Variants in RSRC1 observed in about 807,000 individuals in gnomAD.
The protein encoded by RSRC1 is serine/Arginine-related protein 53.
Under a neutral mutation model 49.1 loss-of-function variants are expected in RSRC1, and 39 were observed. The ratio of observed to expected loss-of-function variants is 0.79; its 90% CI spans 0.61 to 1.04. The LOEUF (loss-of-function observed/expected upper bound fraction) is 1.04, where lower values mean the gene tolerates loss of function less well. Among genes scored for constraint, RSRC1 ranks in the 50% least tolerant of loss-of-function variants. The pLI is 0.00. For synonymous variants in RSRC1, 143 were observed against 130.8 expected (o/e 1.09, Z -0.63); for missense variants, 388 against 402.4 (o/e 0.96, Z 0.31).
intron 5 of RSRC1, among the ~76,000 whole-genome samples, chr3:158,316,529 C>A (rs1428134107): frequency 7.2e-4 from 104 of 143,484 alleles, no homozygotes; most frequent in Admixed American, 1.7e-3. Context: ...ACTGCAGGCT[C>A]CGCCCCCGGG....
intron 4 of RSRC1, among the ~76,000 whole-genome samples, chr3:158,291,925 A>G (rs1268970261): frequency 6.6e-6 from 1 of 152,258 alleles, no homozygotes. Context: ...AATAGTTTTT[A>G]GACGTAGAGT....
At chr3:158,465,895 C>T (rs1446414997) in intron 7 of RSRC1, among the ~76,000 whole-genome samples, 1 of 151,972 alleles carries the variant, frequency 6.6e-6, no homozygotes, top group Non-Finnish European at 1.5e-5. Context: ...GAATACATTG[C>T]TTCATTGCAT....
chr3:158,115,295 TTCTC>T (rs1254255140), intron 1 of RSRC1, among the ~76,000 whole-genome samples: 27 of 152,178 alleles, frequency 1.8e-4, no homozygotes, highest in African/African-American at 6.5e-4. Context: ...CCTTCTCCTG[TTCTC>T]TCTTTTTGGT....
At chr3:158,385,129 A>G (rs1209370014) in intron 6 of RSRC1, among the ~76,000 whole-genome samples, 1 of 152,172 alleles carries the variant, frequency 6.6e-6, no homozygotes, top group Non-Finnish European at 1.5e-5. Context: ...GAAATCATTT[A>G]GTCAGAATTT....
intron 7 of RSRC1, among the ~76,000 whole-genome samples, chr3:158,470,343 CACACACACACACACACACAT>C (rs1242342129): frequency 8.5e-6 from 1 of 117,922 alleles, no homozygotes; most frequent in Non-Finnish European, 1.8e-5. Context: ...CACACACACA[CACACACACACACACACACAT>C]ATATATATAT....
At chr3:158,238,089 C>A (rs1723343083) in intron 4 of RSRC1, among the ~76,000 whole-genome samples, 1 of 152,104 alleles carries the variant, frequency 6.6e-6, no homozygotes, top group Non-Finnish European at 1.5e-5. Context: ...AAACAGAGAG[C>A]AAAATCATGA....
chr3:158,185,738 T>G (rs1325541585), intron 3 of RSRC1, among the ~76,000 whole-genome samples: 2 of 151,960 alleles, frequency 1.3e-5, no homozygotes, highest in African/African-American at 4.8e-5. Context: ...CTTTTACCCC[T>G]TTGTAATTTA....
chr3:158,222,517 A>G (rs568321146), intron 4 of RSRC1, among the ~76,000 whole-genome samples: 1 of 151,642 alleles, frequency 6.6e-6, no homozygotes, highest in South Asian at 2.1e-4. Context: ...ATAAATATAT[A>G]TAATTTTTGT....
At chr3:158,316,266 A>G (rs1036790438) in intron 5 of RSRC1, among the ~76,000 whole-genome samples, 1 of 152,090 alleles carries the variant, frequency 6.6e-6, no homozygotes, top group Non-Finnish European at 1.5e-5. Context: ...AGTCATTGCA[A>G]GTTGGCGTAT....
chr3:158,462,505 G>C (rs753511873), intron 7 of RSRC1, among the ~76,000 whole-genome samples: 52 of 151,980 alleles, frequency 3.4e-4, no homozygotes, highest in Admixed American at 1.0e-3. Flanking sequence ...TATTAATTCA[G>C]ATCTTAATTG....
chr3:158,439,706 C>T (rs1489790197), intron 6 of RSRC1, among the ~76,000 whole-genome samples: 1 of 152,108 alleles, frequency 6.6e-6, no homozygotes, highest in Non-Finnish European at 1.5e-5. Context: ...GGAGAAATAC[C>T]TGATGTAAAT....
intron 3 of RSRC1, among the ~76,000 whole-genome samples, chr3:158,163,749 C>G (rs2108228510): frequency 8.5e-6 from 1 of 118,194 alleles, no homozygotes; most frequent in Middle Eastern, 4.1e-3. Flanking sequence ...CTTTGCTACC[C>G]TTTATAGCAA....
intron 6 of RSRC1, among the ~76,000 whole-genome samples, chr3:158,399,498 G>T (rs1733792273): frequency 6.6e-6 from 1 of 152,056 alleles, no homozygotes; most frequent in African/African-American, 2.4e-5. Flanking sequence ...AGGCATACAG[G>T]TTAGTTACTT....
intron 6 of RSRC1, among the ~76,000 whole-genome samples, chr3:158,440,593 T>C (rs1736328955): frequency 6.6e-6 from 1 of 152,138 alleles, no homozygotes; most frequent in Non-Finnish European, 1.5e-5. Context: ...TGCCCACACA[T>C]GCACGTGTGC....
chr3:158,219,826 C>G (rs1722134069), intron 4 of RSRC1, among the ~76,000 whole-genome samples: 1 of 151,434 alleles, frequency 6.6e-6, no homozygotes, highest in Admixed American at 6.6e-5. Context: ...AGAAACTTAC[C>G]AGTTATTTAA....
At chr3:158,214,793 G>C (rs1351266667) in intron 4 of RSRC1, among the ~76,000 whole-genome samples, 2 of 151,654 alleles carry the variant, frequency 1.3e-5, no homozygotes, top group Non-Finnish European at 2.9e-5. Flanking sequence ...AACATACTTT[G>C]TATGATTGTA....
chr3:158,198,698 T>C (rs1720819023), intron 3 of RSRC1, among the ~76,000 whole-genome samples: 1 of 152,088 alleles, frequency 6.6e-6, no homozygotes, highest in Non-Finnish European at 1.5e-5. Flanking sequence ...CACTCCCCAG[T>C]GAGATGAACT....
At chr3:158,220,632 A>G (rs953400724) in intron 4 of RSRC1, among the ~76,000 whole-genome samples, 2 of 151,576 alleles carry the variant, frequency 1.3e-5, no homozygotes, top group African/African-American at 4.8e-5. Context: ...TGTTTTGACT[A>G]TGAAGGATAC....
At chr3:158,484,582 T>A (rs972591250) in intron 7 of RSRC1, among the ~76,000 whole-genome samples, 1 of 152,140 alleles carries the variant, frequency 6.6e-6, no homozygotes, top group South Asian at 2.1e-4. Flanking sequence ...GTTTTAAATA[T>A]ATGTATACAT....
Sources: gnomAD v4.1 joint callset for allele counts (sites outside exome capture counted in the v4.1 genomes callset) on GRCh38, gnomAD v4.1.1 for gene constraint, MANE v1.5 for transcripts, NCBI Gene and HGNC (gene_info 2026-07-23, HGNC 2026-07-21) for gene names.